TENM3: variants seen among roughly 807,000 people sequenced by gnomAD.
The protein encoded by TENM3 is teneurin-3.
A neutral mutation model predicts 255.1 loss-of-function variants in TENM3; 63 were observed. That is an observed-to-expected ratio of 0.25 (90% CI 0.20 to 0.30). The LOEUF is 0.30. Ranked by LOEUF, TENM3 falls within the 10% of genes least tolerant of loss-of-function variation. The pLI, the probability that TENM3 is intolerant of heterozygous loss-of-function variation, is 1.00. For missense variants in TENM3, 2,929 were observed against 3,461.1 expected (o/e 0.85, Z 3.86); for synonymous variants, 1,306 against 1,322.3 (o/e 0.99, Z 0.27).
At chr4:181,740,397 A>T in the TENM3 span, among the ~76,000 whole-genome samples, 1 of 152,150 alleles carries the variant, frequency 6.6e-6, no homozygotes, top group Non-Finnish European at 1.5e-5. Flanking sequence ...TTTCACTATG[A>T]ATATATATGT....
intron 1 of TENM3, among the ~76,000 whole-genome samples, chr4:182,271,754 T>A (rs546759250): frequency 2.0e-5 from 3 of 152,344 alleles, no homozygotes; most frequent in African/African-American, 7.2e-5. Context: ...AGCGTTATTA[T>A]CCCTGTATTA....
chr4:181,738,298 A>G, the TENM3 span, among the ~76,000 whole-genome samples: 1 of 152,190 alleles, frequency 6.6e-6, no homozygotes, highest in Non-Finnish European at 1.5e-5. Flanking sequence ...CCCTTAGAAA[A>G]AATAAAATGA....
chr4:182,412,251 G>A (rs1770037995), intron 3 of TENM3, among the ~76,000 whole-genome samples: 1 of 152,088 alleles, frequency 6.6e-6, no homozygotes, highest in South Asian at 2.1e-4. Context: ...ATACACCCAG[G>A]TTCATGACAG....
the TENM3 span, among the ~76,000 whole-genome samples, chr4:181,488,823 C>G: frequency 2.6e-5 from 4 of 152,174 alleles, no homozygotes; most frequent in South Asian, 8.3e-4. Context: ...GTCTGAGCCA[C>G]CAAATAATAC....
At chr4:182,046,550 A>AATG in the TENM3 span, among the ~76,000 whole-genome samples, 1 of 5,078 alleles carries the variant, frequency 2.0e-4, no homozygotes, top group Non-Finnish European at 1.3e-3. Context: ...CAAAAAACTA[A>AATG]ATAATAATAA....
At chr4:181,605,900 C>T in the TENM3 span, among the ~76,000 whole-genome samples, 1 of 152,106 alleles carries the variant, frequency 6.6e-6, no homozygotes, top group Admixed American at 6.5e-5. Flanking sequence ...GGGCAATTTC[C>T]AACTCTGAGA....
chr4:182,341,802 GA>G (rs1345314538), intron 2 of TENM3, among the ~76,000 whole-genome samples: 3 of 152,036 alleles, frequency 2.0e-5, no homozygotes, highest in Non-Finnish European at 4.4e-5. Context: ...AGAAGGCAAA[GA>G]AAAAAATGAT....
the TENM3 span, among the ~76,000 whole-genome samples, chr4:181,641,345 C>T: frequency 9.3e-5 from 14 of 151,244 alleles, 1 homozygote; most frequent in Admixed American, 4.0e-4. Flanking sequence ...GCTCCCCACC[C>T]CCGGCAGGGC....
intron 1 of TENM3, among the ~76,000 whole-genome samples, chr4:182,246,754 C>T (rs1004517045): frequency 6.6e-6 from 1 of 152,194 alleles, no homozygotes; most frequent in Non-Finnish European, 1.5e-5. Flanking sequence ...GCGTTCCCTC[C>T]CTCTCGTCCT....
chr4:181,908,106 T>C, the TENM3 span, among the ~76,000 whole-genome samples: 1 of 152,246 alleles, frequency 6.6e-6, no homozygotes, highest in African/African-American at 2.4e-5. Context: ...ATTTGTCTTA[T>C]TCCATCCTTT....
At chr4:182,066,590 T>TAAAA in the TENM3 span, among the ~76,000 whole-genome samples, 585 of 136,298 alleles carry the variant, frequency 4.3e-3, 11 homozygotes, top group African/African-American at 0.015. Context: ...AGAATTATGG[T>TAAAA]AAAAAAAAAA....
At chr4:182,782,880 C>T (rs1394488698) in intron 24 of TENM3, among the ~76,000 whole-genome samples, 4 of 150,220 alleles carry the variant, frequency 2.7e-5, no homozygotes, top group Non-Finnish European at 4.4e-5. Flanking sequence ...ATTGCAACCC[C>T]GGCCTTTTTT....
chr4:181,852,763 CA>C, the TENM3 span, among the ~76,000 whole-genome samples: 1 of 152,198 alleles, frequency 6.6e-6, no homozygotes, highest in Non-Finnish European at 1.5e-5. Flanking sequence ...GTAATTCTCA[CA>C]AAACAATATG....
At chr4:181,470,127 A>AAACAAAAACG in the TENM3 span, among the ~76,000 whole-genome samples, 15 of 138,988 alleles carry the variant, frequency 1.1e-4, no homozygotes, top group African/African-American at 3.5e-4. Context: ...AAAAAAAAAC[A>AAACAAAAACG]TTATTCAAAA....
intron 7 of TENM3, among the ~76,000 whole-genome samples, chr4:182,675,870 G>A (rs17073804): frequency 0.053 from 8,062 of 152,180 alleles, 327 homozygotes; most frequent in East Asian, 0.17. Flanking sequence ...GTGCAGTTTC[G>A]GGTTTTCTCA....
At chr4:182,459,481 T>G (rs1774160216) in intron 3 of TENM3, among the ~76,000 whole-genome samples, 1 of 152,186 alleles carries the variant, frequency 6.6e-6, no homozygotes, top group Non-Finnish European at 1.5e-5. Flanking sequence ...GCTTTATACA[T>G]TAGTTATTTT....
At chr4:182,225,547 C>T (rs1162892379) in intron 1 of TENM3, among the ~76,000 whole-genome samples, 1 of 152,110 alleles carries the variant, frequency 6.6e-6, no homozygotes, top group Non-Finnish European at 1.5e-5. Context: ...TGGTTAGGAC[C>T]TCTCAGAGCT....
the TENM3 span, among the ~76,000 whole-genome samples, chr4:181,546,075 T>C: frequency 6.6e-6 from 1 of 152,186 alleles, no homozygotes; most frequent in Non-Finnish European, 1.5e-5. Flanking sequence ...ACATTTTCTC[T>C]CTGGTGGCCA....
In TENM3 at chr4:182,600,905, T is replaced by C. The variant is rs747318128; in HGVS notation, c.512-19T>C. 31 of 1,175,022 alleles carry C rather than the reference T, an allele frequency of 2.6e-5. 1 individual carries two copies. Among genetic ancestry groups the C allele is most frequent in the Non-Finnish European group, 3.1e-5 (27 of 879,078 alleles). 72.8% of individuals were successfully genotyped at this position (1,175,022 alleles called of 1,614,324 possible). A position where few individuals can be genotyped will look rare whatever the true frequency, so the allele number is the denominator to read the frequency against. On this transcript the variant is annotated intron_variant, in intron 3 of 27. Coordinates refer to ENST00000511685, the MANE Select transcript of TENM3 (RefSeq NM_001080477.4). ...TATAATGAGTTCTCTTTCTTTTTTTTTTTTTTTTTTTTTTTCAGAGCAACC... is the reference window on the plus strand; with the variant it reads ...TATAATGAGTTCTCTTTCTTTTTTTCTTTTTTTTTTTTTTTCAGAGCAACC...
Sources: gnomAD v4.1 joint callset for allele counts (sites outside exome capture counted in the v4.1 genomes callset) on GRCh38, gnomAD v4.1.1 for gene constraint, MANE v1.5 for transcripts, NCBI Gene and HGNC (gene_info 2026-07-23, HGNC 2026-07-21) for gene names.